Variants in FN3KRP observed in about 807,000 individuals in gnomAD.
FN3KRP encodes fructosamine 3 kinase related protein.
In FN3KRP, 33 loss-of-function variants were observed where a neutral mutation model predicts 29.8. The observed-to-expected ratio is 1.11, with a 90% confidence interval of 0.84 to 1.48. FN3KRP has a LOEUF of 1.48. Ranked by LOEUF, FN3KRP falls within the 40% of genes most tolerant of loss-of-function variation. The probability of loss-of-function intolerance (pLI) is 0.00; values close to 1 mark genes in which losing one functional copy is unlikely to be tolerated. For synonymous variants in FN3KRP, 157 were observed against 155.2 expected, an observed-to-expected ratio of 1.01 and a Z score of -0.09; for missense variants, 430 against 402.6, an observed-to-expected ratio of 1.07 and a Z score of -0.58.
rs1346759335 is a variant in FN3KRP, at chr17:82,726,907, C to T, written c.666C>T (p.Asn222=). ...ALLHGDLWGG[N]VAEDSSGPVI... is the part of the protein sequence containing the mutation. The stretch of plus-strand genomic sequence containing the variant: ...TCCACGGGGACCTCTGGGGTGGAAA[C>T]GTAGCAGAGGATTCCTCTGGGCCGG... The change falls in exon 6 of 6, where the codon AAC becomes AAT. Residue 222 remains asparagine, a synonymous_variant. Transcript: ENST00000269373. 1.1e-5 allele frequency: 17 copies of T among 1,604,178 alleles called. 1 individual carries two copies. Among genetic ancestry groups the T allele is most frequent in the Admixed American group, 8.5e-5 (5 of 58,898 alleles).
intron 3 of FN3KRP, among the ~76,000 whole-genome samples, chr17:82,722,422 C>T (rs945848306): frequency 1.3e-5 from 2 of 152,338 alleles, no homozygotes; most frequent in Admixed American, 6.5e-5. Context: ...TAAGAACATC[C>T]TCCCCTTTGT....
chr17:82,726,816 C>T lies in FN3KRP; in HGVS notation c.592-17C>T. 6.6e-7 allele frequency: 1 copy of T among 1,523,622 alleles called. No homozygotes were observed. Among genetic ancestry groups the T allele is most frequent in the Non-Finnish European group, 8.8e-7 (1 of 1,137,934 alleles). The allele number at this position is 1,523,622 out of a possible 1,614,324, so 94.4% of individuals were successfully genotyped here. The stretch of plus-strand genomic sequence containing the variant: ...CGCGTTGATCAATTTGCTGAGGCTC[C>T]ATTTTCCTCCCTGCAGTTAAAGATC... On this transcript the variant is annotated splice_polypyrimidine_tract_variant and intron_variant, in intron 5 of 5. Transcript: ENST00000269373.
At chr17:82,726,204 AT>A (rs374477857) in intron 4 of FN3KRP, among the ~76,000 whole-genome samples, 2 of 152,060 alleles carry the variant, frequency 1.3e-5, no homozygotes, top group Non-Finnish European at 2.9e-5. Context: ...AGAAAAAAAA[AT>A]GTTCTAGAAG....
chr17:82,717,414 G>A (rs142499357), intron 1 of FN3KRP, among the ~76,000 whole-genome samples: 369 of 152,284 alleles, frequency 2.4e-3, no homozygotes, highest in Non-Finnish European at 3.9e-3. Flanking sequence ...GGCATGCTCT[G>A]TCCTTCTGTT....
intron 5 of FN3KRP, 34 bp downstream of exon 5, chr17:82,726,636 CCA>C: frequency 6.3e-7 from 1 of 1,590,568 alleles, no homozygotes; most frequent in Non-Finnish European, 8.6e-7. Context: ...CCAGCACCTG[CCA>C]CACACCCCAC....
At chr17:82,725,317 G>T (rs1187230756) in intron 4 of FN3KRP, among the ~76,000 whole-genome samples, 2 of 151,412 alleles carry the variant, frequency 1.3e-5, no homozygotes, top group Non-Finnish European at 2.9e-5. Context: ...TTTTTGTAGA[G>T]ACAGGGGTCT....
intron 1 of FN3KRP, chr17:82,718,306 C>T (rs2046773912): frequency 1.9e-6 from 1 of 536,612 alleles, no homozygotes; most frequent in Non-Finnish European, 2.3e-6. Context: ...CTCTAGGGAT[C>T]ACTGCTGTGT....
At position 82,726,615 on chromosome 17, in the gene FN3KRP, C is replaced by T. The variant is rs1461911408; in HGVS notation, c.591+13C>T. 8 of 1,605,690 alleles carry T rather than the reference C, an allele frequency of 5.0e-6. No individual in the cohort carries two copies. Among genetic ancestry groups the T allele is most frequent in the Non-Finnish European group, 6.8e-6 (8 of 1,175,976 alleles). On this transcript the variant is annotated intron_variant, in intron 5 of 5. Coordinates refer to ENST00000269373, the MANE Select transcript of FN3KRP (RefSeq NM_024619.4). ...GTCTGCTCTGCAGGTGAGTGGGGCC[C>T]CACTGCATGCCCAGCACCTGCCACA...
At chr17:82,719,754 CAAA>C (rs1331471916) in intron 2 of FN3KRP, among the ~76,000 whole-genome samples, 1 of 148,036 alleles carries the variant, frequency 6.8e-6, no homozygotes, top group East Asian at 2.2e-4. Context: ...GACTCAGTCT[CAAA>C]AAAGAGGAAA....
In FN3KRP at chr17:82,720,379, G is replaced by A. The variant is rs774501404; in HGVS notation, c.385+16G>A. 22 of 1,600,638 alleles carry A rather than the reference G, an allele frequency of 1.4e-5. No homozygotes were observed. Among genetic ancestry groups the A allele is most frequent in the Non-Finnish European group, 1.4e-5 (16 of 1,171,224 alleles). On this transcript the variant is annotated intron_variant, in intron 3 of 5. Coordinates refer to ENST00000269373, the MANE Select transcript of FN3KRP (RefSeq NM_024619.4). ...GGCACAGTGGGTATGGCACTGCGCG[G>A]GCCACGGGTGCTCCCGCCTAGAGGA...
chr17:82,726,927 G>A lies in FN3KRP; in HGVS notation c.686G>A (p.Gly229Glu). Residue 229 changes from glycine to glutamate, a missense_variant, in exon 6 of 6, where the codon GGG (glycine) becomes GAG (glutamate). Transcript: ENST00000269373. Reference sequence around the variant, plus strand: ...GGAAACGTAGCAGAGGATTCCTCTGGGCCGGTGATTTTTGACCCAGCTTCT... The same window carrying A: ...GGAAACGTAGCAGAGGATTCCTCTGAGCCGGTGATTTTTGACCCAGCTTCT... ...WGGNVAEDSS[G>E]PVIFDPASFY... is the part of the protein sequence containing the mutation. 6.2e-7 allele frequency: 1 copy of A among 1,612,742 alleles called. No individual in the cohort carries two copies. Among genetic ancestry groups the A allele is most frequent in the Non-Finnish European group, 8.5e-7 (1 of 1,179,240 alleles).
intron 3 of FN3KRP, among the ~76,000 whole-genome samples, 178 bp downstream of exon 3, chr17:82,720,541 G>A (rs115523885): frequency 3.2e-3 from 485 of 152,356 alleles, no homozygotes; most frequent in African/African-American, 9.8e-3. Flanking sequence ...TGACTGTGAT[G>A]CGTCTGTTGT....
At chr17:82,718,663 C>A in intron 1 of FN3KRP, 1 of 1,253,940 alleles carries the variant, frequency 8.0e-7, no homozygotes, top group Non-Finnish European at 1.0e-6. Context: ...CCCAATTCAA[C>A]CACAGCACAC....
chr17:82,723,630 T>C (rs924795283), intron 4 of FN3KRP, among the ~76,000 whole-genome samples: 10 of 148,668 alleles, frequency 6.7e-5, no homozygotes, highest in African/African-American at 5.2e-5. Flanking sequence ...TATGTGTATG[T>C]GTGCACACGT....
rs183144630 is a variant in FN3KRP, at chr17:82,716,915, C to T, written c.141+19C>T. On this transcript the variant is annotated intron_variant, in intron 1 of 5. Transcript: ENST00000269373. ...GGCGGAGGTCAGGCAGCGGGTCGGG[C>T]GGGCCGGGGGACCGGTTTCTTTCCG... 289 of 1,141,180 alleles carry T rather than the reference C, an allele frequency of 2.5e-4. No individual in the cohort carries two copies. In the African/African-American group the frequency reaches 4.3e-3, roughly 17 times the overall value. 70.7% of individuals were successfully genotyped at this position (1,141,180 alleles called of 1,614,324 possible).
intron 1 of FN3KRP, among the ~76,000 whole-genome samples, chr17:82,717,439 G>A (rs912920558): frequency 2.0e-5 from 3 of 152,314 alleles, no homozygotes; most frequent in African/African-American, 7.2e-5. Context: ...TCATTCTCGG[G>A]CCGGGCGCGG....
intron 3 of FN3KRP, 25 bp from the exon 4 acceptor site, chr17:82,722,779 C>T (rs2143613442): frequency 6.2e-7 from 1 of 1,611,296 alleles, no homozygotes; most frequent in African/African-American, 1.3e-5. Flanking sequence ...GAACTAATTT[C>T]CTTTCTTTTA....
Position 82,723,383 on chromosome 17 carries a change from G to A in FN3KRP, c.468+497G>A, listed in dbSNP as rs562778128. Among the ~76,000 whole-genome samples the A allele has an allele frequency of 3.9e-5, 6 of 152,054 alleles. No individual in the cohort carries two copies. In the South Asian group the frequency reaches 1.2e-3, roughly 32 times the overall value. On this transcript the variant is annotated intron_variant, in intron 4 of 5. Transcript: ENST00000269373. ...AGTAGAAAGACTTTGAAATGTTGAA[G>A]TTTGTTCAGAAACCTGCTTAGGGGC...
chr17:82,722,684 C>G (rs1568060747), intron 3 of FN3KRP, 120 bp from the exon 4 acceptor site: 3 of 867,940 alleles, frequency 3.5e-6, no homozygotes, highest in Non-Finnish European at 1.8e-6. Flanking sequence ...CTGTTTGTCT[C>G]TGGCAGGGGC....
Sources: gnomAD v4.1 joint callset for allele counts (sites outside exome capture counted in the v4.1 genomes callset) on GRCh38, gnomAD v4.1.1 for gene constraint, MANE v1.5 for transcripts, NCBI Gene and HGNC (gene_info 2026-07-23, HGNC 2026-07-21) for gene names.